Variants in DLG2 observed in about 807,000 individuals in gnomAD.
DLG2 encodes discs large MAGUK scaffold protein 2, also known as disks large homolog 2.
In DLG2, 45 loss-of-function variants were observed where a neutral mutation model predicts 132.5. The ratio of observed to expected loss-of-function variants is 0.34; its 90% CI spans 0.27 to 0.44. The LOEUF (loss-of-function observed/expected upper bound fraction) is 0.44. Among genes scored for constraint, DLG2 ranks in the 20% least tolerant of loss-of-function variants. The pLI is 1.00. For synonymous variants in DLG2, 424 were observed against 419.6 expected (o/e 1.01, Z -0.13); for missense variants, 1,045 against 1,196.9 (o/e 0.87, Z 1.87).
At chr11:83,792,279 G>C (rs536245718) in intron 17 of DLG2, among the ~76,000 whole-genome samples, 1 of 151,638 alleles carries the variant, frequency 6.6e-6, no homozygotes, top group South Asian at 2.1e-4. Context: ...TTTTTAATTT[G>C]CTATTGCACA....
chr11:83,599,606 C>T (rs971407042), intron 19 of DLG2, among the ~76,000 whole-genome samples: 3 of 152,192 alleles, frequency 2.0e-5, no homozygotes, highest in Admixed American at 2.0e-4. Context: ...CACTGAATAG[C>T]TCTTCATAAC....
intron 5 of DLG2, among the ~76,000 whole-genome samples, chr11:85,142,216 C>T (rs1056172242): frequency 2.0e-5 from 3 of 151,676 alleles, no homozygotes; most frequent in African/African-American, 7.2e-5. Context: ...ATTTTTTGTG[C>T]CCTCTTCAAT....
chr11:85,396,399 A>G (rs962784302), intron 3 of DLG2, among the ~76,000 whole-genome samples: 7 of 152,200 alleles, frequency 4.6e-5, no homozygotes, highest in African/African-American at 1.4e-4. Context: ...CTCAACAGCA[A>G]GGGAACAAAA....
intron 6 of DLG2, among the ~76,000 whole-genome samples, chr11:85,078,744 C>T (rs1252337226): frequency 6.6e-6 from 1 of 152,002 alleles, no homozygotes; most frequent in Admixed American, 6.6e-5. Flanking sequence ...GAATATTAAA[C>T]CTTCATAGGT....
chr11:85,030,877 T>A (rs560075639), intron 6 of DLG2, among the ~76,000 whole-genome samples: 2 of 152,212 alleles, frequency 1.3e-5, no homozygotes, highest in South Asian at 4.1e-4. Context: ...TTATTTTTGA[T>A]AATAAAAGCA....
intron 6 of DLG2, among the ~76,000 whole-genome samples, chr11:84,826,210 C>T (rs903088574): frequency 6.6e-5 from 10 of 151,914 alleles, no homozygotes; most frequent in Non-Finnish European, 1.2e-4. Context: ...AATCCAATTA[C>T]ACTCTTTCAG....
intron 19 of DLG2, among the ~76,000 whole-genome samples, chr11:83,571,947 A>G (rs1314375357): frequency 6.6e-6 from 1 of 152,088 alleles, no homozygotes; most frequent in East Asian, 1.9e-4. Flanking sequence ...TGATCACAAT[A>G]TAATGCTAAG....
intron 6 of DLG2, among the ~76,000 whole-genome samples, chr11:84,855,937 G>A (rs1284138437): frequency 6.6e-6 from 1 of 151,942 alleles, no homozygotes; most frequent in Non-Finnish European, 1.5e-5. Context: ...TGGAACAGAG[G>A]CTAGCGATCA....
chr11:85,607,614 C>A (rs2080672442), intron 2 of DLG2, among the ~76,000 whole-genome samples: 2 of 152,310 alleles, frequency 1.3e-5, no homozygotes, highest in South Asian at 4.1e-4. Context: ...CTGTTACCTT[C>A]TTTTGGCACC....
intron 11 of DLG2, among the ~76,000 whole-genome samples, chr11:83,987,537 A>C (rs2093415583): frequency 1.3e-5 from 2 of 152,296 alleles, no homozygotes; most frequent in East Asian, 3.9e-4. Context: ...CTCAGAAATA[A>C]TACCGCATAT....
At chr11:85,594,430 T>C (rs1377789179) in intron 3 of DLG2, among the ~76,000 whole-genome samples, 2 of 152,188 alleles carry the variant, frequency 1.3e-5, no homozygotes, top group African/African-American at 4.8e-5. Context: ...TAAAGTATCA[T>C]TTACCGCTTG....
At chr11:85,189,198 T>C (rs890870282) in intron 4 of DLG2, among the ~76,000 whole-genome samples, 3 of 152,078 alleles carry the variant, frequency 2.0e-5, no homozygotes, top group Non-Finnish European at 2.9e-5. Flanking sequence ...ATCAAAGTGC[T>C]TAAAGTTAAA....
At chr11:84,458,040 G>T (rs922988378) in intron 7 of DLG2, among the ~76,000 whole-genome samples, 39 of 150,746 alleles carry the variant, frequency 2.6e-4, no homozygotes, top group African/African-American at 9.5e-4. Context: ...ATTGCTTTCT[G>T]TATACAGGTA....
chr11:85,427,881 C>T (rs2090885311), intron 3 of DLG2, among the ~76,000 whole-genome samples: 1 of 152,118 alleles, frequency 6.6e-6, no homozygotes. Flanking sequence ...TCAGGAAACC[C>T]ATCTCATGTG....
chr11:84,658,067 C>G (rs554730071), intron 6 of DLG2, among the ~76,000 whole-genome samples: 7 of 152,198 alleles, frequency 4.6e-5, no homozygotes, highest in African/African-American at 1.7e-4. Context: ...GGAACAATTC[C>G]AAAATGGGGA....
chr11:85,595,309 GATT>G (rs1255920271), intron 3 of DLG2, among the ~76,000 whole-genome samples: 1 of 151,816 alleles, frequency 6.6e-6, no homozygotes, highest in East Asian at 1.9e-4. Context: ...AATGAACACT[GATT>G]ATTATTATTT....
intron 18 of DLG2, among the ~76,000 whole-genome samples, chr11:83,772,885 C>T (rs2094453722): frequency 6.6e-6 from 1 of 152,076 alleles, no homozygotes; most frequent in Admixed American, 6.6e-5. Flanking sequence ...CTAATAGGGG[C>T]AAGAAGAAAT....
intron 6 of DLG2, among the ~76,000 whole-genome samples, chr11:84,916,348 CAA>C (rs11423369): frequency 0.095 from 2,576 of 27,174 alleles, 2 homozygotes; most frequent in Admixed American, 0.13. Flanking sequence ...GACTCCGTCT[CAA>C]AAAAAAAAAA....
chr11:84,132,730 C>G (rs2094464486), intron 9 of DLG2, among the ~76,000 whole-genome samples: 2 of 151,804 alleles, frequency 1.3e-5, no homozygotes, highest in Admixed American at 6.6e-5. Context: ...ATAGCCAGTA[C>G]TAAGTGAGAG....
Sources: gnomAD v4.1 joint callset for allele counts (sites outside exome capture counted in the v4.1 genomes callset) on GRCh38, gnomAD v4.1.1 for gene constraint, MANE v1.5 for transcripts, NCBI Gene and HGNC (gene_info 2026-07-23, HGNC 2026-07-21) for gene names.